FBXL7: variants seen among roughly 807,000 people sequenced by gnomAD.
The protein encoded by FBXL7 is F-box and leucine rich repeat protein 7.
FBXL7 carries 12 observed loss-of-function variants against 38.3 expected under a neutral mutation model. The observed-to-expected ratio is 0.31, with a 90% CI of 0.20 to 0.51. FBXL7 has a LOEUF of 0.51. Among genes scored for constraint, FBXL7 ranks in the 20% least tolerant of loss-of-function variants. FBXL7 has a pLI of 0.98. For missense variants in FBXL7, 567 were observed against 676.4 expected (o/e 0.84, Z 1.79); for synonymous variants, 297 against 300.9 (o/e 0.99, Z 0.13).
chr5:15,839,552 A>T (rs543678192), intron 2 of FBXL7, among the ~76,000 whole-genome samples: 62 of 152,032 alleles, frequency 4.1e-4, no homozygotes, highest in African/African-American at 1.5e-3. Context: ...GCCCTGATCA[A>T]TGTATTGGTT....
chr5:15,874,447 T>C (rs528192819), intron 2 of FBXL7, among the ~76,000 whole-genome samples: 1 of 152,258 alleles, frequency 6.6e-6, no homozygotes, highest in Non-Finnish European at 1.5e-5. Flanking sequence ...AAATAAAGCA[T>C]ATTCAAATAG....
At chr5:15,567,219 CCT>C (rs769425592) in intron 1 of FBXL7, among the ~76,000 whole-genome samples, 1 of 152,082 alleles carries the variant, frequency 6.6e-6, no homozygotes. Flanking sequence ...TTTCCTGGCC[CCT>C]GTTTCCTGAT....
intron 2 of FBXL7, among the ~76,000 whole-genome samples, chr5:15,795,111 A>G (rs1381233163): frequency 1.3e-5 from 2 of 152,090 alleles, no homozygotes; most frequent in African/African-American, 4.8e-5. Context: ...GCTACACCCT[A>G]TGTCCAGTCT....
At chr5:15,548,225 C>G (rs977189425) in intron 1 of FBXL7, among the ~76,000 whole-genome samples, 1 of 152,096 alleles carries the variant, frequency 6.6e-6, no homozygotes, top group African/African-American at 2.4e-5. Context: ...TAGACCATAG[C>G]TTTGAAGGGT....
intron 2 of FBXL7, among the ~76,000 whole-genome samples, chr5:15,767,673 T>C (rs1411344043): frequency 1.3e-5 from 2 of 152,206 alleles, no homozygotes; most frequent in African/African-American, 2.4e-5. Flanking sequence ...TTATTCCTTA[T>C]TTCACGCCTT....
At chr5:15,885,668 A>G (rs1254551515) in intron 2 of FBXL7, among the ~76,000 whole-genome samples, 1 of 152,180 alleles carries the variant, frequency 6.6e-6, no homozygotes, top group Non-Finnish European at 1.5e-5. Flanking sequence ...GGCCATATGT[A>G]TAAGTCGCAC....
At chr5:15,503,144 G>T (rs1235290593) in intron 1 of FBXL7, among the ~76,000 whole-genome samples, 1 of 152,190 alleles carries the variant, frequency 6.6e-6, no homozygotes, top group Admixed American at 6.5e-5. Context: ...GCTGAGGTCG[G>T]GCGCGGTGGC....
intron 2 of FBXL7, among the ~76,000 whole-genome samples, chr5:15,776,595 G>C (rs1460986208): frequency 6.6e-6 from 1 of 152,084 alleles, no homozygotes; most frequent in African/African-American, 2.4e-5. Context: ...CATTCTAAAA[G>C]GATAATTGTG....
intron 2 of FBXL7, among the ~76,000 whole-genome samples, chr5:15,617,651 C>A (rs1375261889): frequency 6.6e-6 from 1 of 152,152 alleles, no homozygotes; most frequent in African/African-American, 2.4e-5. Context: ...GTTGGCCAGG[C>A]TGGTCTCAAA....
At chr5:15,715,813 C>T (rs536509473) in intron 2 of FBXL7, among the ~76,000 whole-genome samples, 1 of 152,234 alleles carries the variant, frequency 6.6e-6, no homozygotes, top group African/African-American at 2.4e-5. Flanking sequence ...ATGCTACTTG[C>T]CCACCGAACT....
At chr5:15,699,796 G>A (rs575489279) in intron 2 of FBXL7, among the ~76,000 whole-genome samples, 7 of 152,210 alleles carry the variant, frequency 4.6e-5, no homozygotes, top group African/African-American at 1.4e-4. Flanking sequence ...ATTATCCTTC[G>A]GTAGGAAATC....
intron 2 of FBXL7, among the ~76,000 whole-genome samples, chr5:15,658,958 C>T (rs1232320479): frequency 1.3e-5 from 2 of 151,998 alleles, no homozygotes; most frequent in Admixed American, 6.6e-5. Context: ...TGGTTTCCTC[C>T]CCTACCTTCA....
intron 1 of FBXL7, among the ~76,000 whole-genome samples, chr5:15,508,638 A>G (rs1736711146): frequency 6.6e-6 from 1 of 152,164 alleles, no homozygotes. Flanking sequence ...ACATTCTATC[A>G]CATAATCACA....
At chr5:15,619,101 C>G (rs1202621916) in intron 2 of FBXL7, among the ~76,000 whole-genome samples, 1 of 152,166 alleles carries the variant, frequency 6.6e-6, no homozygotes, top group Non-Finnish European at 1.5e-5. Context: ...GCGGAGCCCT[C>G]TTTACCCTTA....
intron 1 of FBXL7, among the ~76,000 whole-genome samples, chr5:15,533,011 A>G (rs1737473519): frequency 1.3e-5 from 2 of 152,150 alleles, no homozygotes; most frequent in African/African-American, 4.8e-5. Flanking sequence ...GAGAGGATCA[A>G]GATTTGGGGA....
intron 2 of FBXL7, among the ~76,000 whole-genome samples, chr5:15,701,294 A>G (rs1743514540): frequency 6.6e-6 from 1 of 152,202 alleles, no homozygotes; most frequent in South Asian, 2.1e-4. Flanking sequence ...AACACTTCAA[A>G]TAGTCCAATG....
At chr5:15,799,047 G>A (rs1425866866) in intron 2 of FBXL7, among the ~76,000 whole-genome samples, 1 of 152,220 alleles carries the variant, frequency 6.6e-6, no homozygotes, top group East Asian at 1.9e-4. Context: ...CAAGAAATAA[G>A]TTGTAAATGG....
rs200568015 is a variant in FBXL7 at position 15,936,785 on chromosome 5, C to T, written c.1075C>T (p.His359Tyr). ...ESRLRYLSIA[H>Y]CGRVTDVGIR... Reference sequence around the variant, plus strand: ...CCGCCTGCGGTACCTGAGCATCGCGCACTGCGGCCGGGTCACCGACGTGGG... The same window carrying T: ...CCGCCTGCGGTACCTGAGCATCGCGTACTGCGGCCGGGTCACCGACGTGGG... Residue 359 changes from histidine (H) to tyrosine (Y), a missense_variant, in exon 4 of 4, where the codon CAC (histidine) becomes TAC (tyrosine). Coordinates refer to ENST00000504595, the MANE Select transcript of FBXL7 (RefSeq NM_012304.5). The surrounding 1 kb of genome is among the most constrained non-coding windows in gnomAD (Gnocchi z 6.0). The T allele has an allele frequency of 2.9e-4, 463 of 1,612,054 alleles. No homozygotes were observed. The highest frequency in any genetic ancestry group is 3.5e-4 in the Non-Finnish European group (414 of 1,179,450).
At chr5:15,531,448 A>G (rs139618944) in intron 1 of FBXL7, among the ~76,000 whole-genome samples, 1 of 152,358 alleles carries the variant, frequency 6.6e-6, no homozygotes, top group Non-Finnish European at 1.5e-5. Flanking sequence ...ATGAAAGACA[A>G]CTCTAAAATT....
Sources: allele counts gnomAD v4.1 joint callset (sites outside exome capture counted in the v4.1 genomes callset), GRCh38; gene constraint gnomAD v4.1.1; non-coding constraint Gnocchi (gnomAD v3.1); transcripts MANE v1.5; gene names NCBI Gene and HGNC (gene_info 2026-07-23, HGNC 2026-07-21).